The following TRMT1L variants were observed in gnomAD, a reference collection of about 807,000 sequenced individuals.
TRMT1L encodes tRNA methyltransferase 1L, also known as tRNA (guanine(27)-N(2))-dimethyltransferase.
TRMT1L carries 28 observed loss-of-function variants against 81.6 expected under a neutral mutation model. The observed-to-expected ratio is 0.34, with a 90% CI of 0.25 to 0.47. TRMT1L has a LOEUF of 0.47. Ranked by LOEUF, TRMT1L falls within the 20% of genes least tolerant of loss-of-function variation. The pLI is 1.00. For missense variants in TRMT1L, 739 were observed against 877.1 expected (o/e 0.84, Z 1.99); for synonymous variants, 301 against 303.2 (o/e 0.99, Z 0.07).
At chr1:185,131,216 G>A (rs1009577019) in intron 10 of TRMT1L, among the ~76,000 whole-genome samples, 5 of 151,854 alleles carry the variant, frequency 3.3e-5, no homozygotes, top group African/African-American at 1.2e-4. Flanking sequence ...AGCCAGGATG[G>A]TCTCGATCTC....
At chr1:185,148,942 CCAACCA>C (rs1192683424) in intron 3 of TRMT1L, among the ~76,000 whole-genome samples, 1 of 152,140 alleles carries the variant, frequency 6.6e-6, no homozygotes. Flanking sequence ...GGTTGACACT[CCAACCA>C]TATTTTACAA....
In TRMT1L at chr1:185,145,486, A is replaced by G. The variant is rs1653164099; in HGVS notation, c.608T>C (p.Val203Ala). 1 of 1,612,194 alleles carries G rather than the reference A, an allele frequency of 6.2e-7. No homozygotes were observed. Residue 203 changes from valine to alanine, a missense_variant, in exon 5 of 15, where the codon GTT (valine) becomes GCT (alanine). Physicochemically the swap from Val to Ala is moderately conservative, Grantham distance 64. This residue lies in a region of TRMT1L where 331 missense variants were observed against 462.2 expected (regional missense o/e 0.72). Transcript: ENST00000367506. ...CTCTCCTTTATTCATGTGGCGCCTA[A>G]CATGTCCTAGCATATCAGTTCTTCT... ...ITRRTDMLGH[V>A]RRHMNKGETK...
chr1:185,125,951 T>C (rs1652614865), intron 11 of TRMT1L, among the ~76,000 whole-genome samples: 1 of 152,318 alleles, frequency 6.6e-6, no homozygotes, highest in East Asian at 1.9e-4. Context: ...GAGAATTATA[T>C]GTGGTGATGG....
At chr1:185,144,136 A>G in intron 5 of TRMT1L, 107 bp from the exon 6 acceptor site, 1 of 1,132,836 alleles carries the variant, frequency 8.8e-7, no homozygotes. Context: ...CAATAAATAT[A>G]CATTTTGAAA....
chr1:185,129,114 T>A (rs10489582), intron 10 of TRMT1L, among the ~76,000 whole-genome samples: 2,390 of 152,184 alleles, frequency 0.016, 88 homozygotes, highest in East Asian at 0.14. Context: ...CTATACCACA[T>A]GAAATAATAT....
chr1:185,156,713 A>T lies in TRMT1L; in HGVS notation c.-1T>A. On this transcript the variant is annotated 5_prime_UTR_variant, in exon 1 of 15. Coordinates refer to ENST00000367506, the MANE Select transcript of TRMT1L (RefSeq NM_030934.5). ...GCTCCTCCTCCGCCATATTCTCCAT[A>T]GTTACCGCCTCCGTGCCAAGCCCGC... The T allele has an allele frequency of 1.2e-6, 2 of 1,612,534 alleles. No individual in the cohort carries two copies. Among genetic ancestry groups the T allele is most frequent in the Non-Finnish European group, 1.7e-6 (2 of 1,179,776 alleles).
At chr1:185,132,280 G>A (rs1471620458) in intron 10 of TRMT1L, among the ~76,000 whole-genome samples, 1 of 151,746 alleles carries the variant, frequency 6.6e-6, no homozygotes, top group African/African-American at 2.4e-5. Flanking sequence ...CACTTTGGGA[G>A]GCCAAGGAGG....
At chr1:185,143,515 C>T (rs1181188265) in intron 6 of TRMT1L, 79 bp from the exon 7 acceptor site, 2 of 1,282,282 alleles carry the variant, frequency 1.6e-6, no homozygotes, top group Admixed American at 4.3e-5. Context: ...GAATAGTGAA[C>T]TGAAGTTCCT....
chr1:185,126,211 G>A (rs942744214), intron 11 of TRMT1L, among the ~76,000 whole-genome samples: 8 of 152,172 alleles, frequency 5.3e-5, no homozygotes, highest in Non-Finnish European at 1.2e-4. Flanking sequence ...GACTATAGAT[G>A]TCTGCAACTG....
upstream of TRMT1L, chr1:185,157,514 C>T (rs1342506566): frequency 6.6e-6 from 1 of 151,584 alleles, no homozygotes; most frequent in Non-Finnish European, 1.5e-5. Context: ...GCCTCCGGGG[C>T]TGCCCCTTGC....
chr1:185,121,068 G>C (rs761124230), intron 13 of TRMT1L, among the ~76,000 whole-genome samples: 76 of 152,152 alleles, frequency 5.0e-4, no homozygotes, highest in Non-Finnish European at 8.7e-4. Flanking sequence ...TCAATGTTAT[G>C]ATCTCATTGC....
intron 1 of TRMT1L, among the ~76,000 whole-genome samples, chr1:185,153,971 C>T (rs534003719): frequency 3.9e-5 from 6 of 152,308 alleles, no homozygotes; most frequent in Middle Eastern, 3.4e-3. Context: ...GCTTTCCCCA[C>T]AAATAATCAA....
intron 1 of TRMT1L, among the ~76,000 whole-genome samples, chr1:185,155,679 T>G (rs1003510013): frequency 2.0e-5 from 3 of 152,248 alleles, no homozygotes; most frequent in African/African-American, 7.2e-5. Flanking sequence ...TTAAATTATG[T>G]CTTTCTTAGA....
rs188528964 is a variant in TRMT1L at position 185,156,805 on chromosome 1, C to T, written c.-93G>A. On this transcript the variant is annotated 5_prime_UTR_variant, in exon 1 of 15. Coordinates refer to ENST00000367506, the MANE Select transcript of TRMT1L (RefSeq NM_030934.5). The stretch of plus-strand genomic sequence containing the variant: ...GACGTGAATGCCCACAGGGCTGGAT[C>T]CAAGGAGTGGGGAAGCAAGTGGGGA... The T allele has an allele frequency of 2.5e-4, 384 of 1,531,252 alleles. 2 individuals carry two copies. In the East Asian group the frequency reaches 7.5e-3, roughly 30 times the overall value. The allele number at this position is 1,531,252 out of a possible 1,614,324, so 94.9% of individuals were successfully genotyped here. A position where few individuals can be genotyped will look rare whatever the true frequency, so the allele number is the denominator to read the frequency against.
chr1:185,133,679 C>G (rs950657879), intron 10 of TRMT1L, among the ~76,000 whole-genome samples: 5 of 151,258 alleles, frequency 3.3e-5, no homozygotes, highest in African/African-American at 1.2e-4. Context: ...CTCACTGCAG[C>G]CTTGAACTAC....
chr1:185,135,721 A>T (rs1242426071), intron 10 of TRMT1L, among the ~76,000 whole-genome samples: 2 of 152,026 alleles, frequency 1.3e-5, no homozygotes, highest in African/African-American at 4.8e-5. Flanking sequence ...CTAAGAATTG[A>T]AAAAAGGGAA....
chr1:185,132,469 A>G (rs1447332158), intron 10 of TRMT1L, among the ~76,000 whole-genome samples: 6 of 151,876 alleles, frequency 4.0e-5, no homozygotes. Flanking sequence ...CAGTGAGCTG[A>G]TATCATGCCA....
At chr1:185,121,365 T>C (rs1237216967) in intron 13 of TRMT1L, among the ~76,000 whole-genome samples, 1 of 152,014 alleles carries the variant, frequency 6.6e-6, no homozygotes, top group Non-Finnish European at 1.5e-5. Flanking sequence ...CCCAGCTACT[T>C]GGGAGGCTGA....
intron 1 of TRMT1L, among the ~76,000 whole-genome samples, chr1:185,155,643 G>C (rs1241811944): frequency 6.6e-6 from 1 of 152,166 alleles, no homozygotes; most frequent in Non-Finnish European, 1.5e-5. Context: ...GTCAACTTAT[G>C]ACCACAAACT....
Sources: gnomAD v4.1 joint callset for allele counts (sites outside exome capture counted in the v4.1 genomes callset) on GRCh38, gnomAD v4.1.1 for gene constraint, gnomAD v4.1.1 regional missense constraint, MANE v1.5 for transcripts, NCBI Gene and HGNC (gene_info 2026-07-23, HGNC 2026-07-21) for gene names.